The following CTNNA3 variants were observed in gnomAD, a reference collection of about 807,000 sequenced individuals.
CTNNA3 encodes catenin alpha 3, also known as catenin alpha-3.
In CTNNA3, 76 loss-of-function variants were observed where a neutral mutation model predicts 95.7. The ratio of observed to expected loss-of-function variants is 0.79; its 90% CI spans 0.66 to 0.96. CTNNA3 has a LOEUF of 0.96. CTNNA3 is among the 40% of genes least tolerant of loss of function. The probability of loss-of-function intolerance (pLI) is 0.00; values close to 1 mark genes in which losing one functional copy is unlikely to be tolerated. For missense variants in CTNNA3, 1,191 were observed against 1,089.8 expected, an observed-to-expected ratio of 1.09 and a Z score of -1.31; for synonymous variants, 431 against 374.4, an observed-to-expected ratio of 1.15 and a Z score of -1.74.
chr10:66,610,005 G>C (rs948461502), intron 10 of CTNNA3, among the ~76,000 whole-genome samples: 6 of 152,086 alleles, frequency 3.9e-5, no homozygotes, highest in Non-Finnish European at 7.4e-5. Flanking sequence ...GGAACAGAAA[G>C]CCAAATACTT....
chr10:67,661,370 G>T (rs1042375157), intron 1 of CTNNA3, among the ~76,000 whole-genome samples: 2 of 151,990 alleles, frequency 1.3e-5, no homozygotes, highest in Non-Finnish European at 2.9e-5. Flanking sequence ...GAGGCAGGGA[G>T]GGAATGTTGG....
intron 10 of CTNNA3, among the ~76,000 whole-genome samples, chr10:66,580,801 T>C (rs531521816): frequency 6.6e-6 from 1 of 151,892 alleles, no homozygotes; most frequent in East Asian, 1.9e-4. Flanking sequence ...TGGTTCTCAG[T>C]TACATGGATG....
At chr10:66,288,320 T>A (rs2132182806) in intron 12 of CTNNA3, among the ~76,000 whole-genome samples, 1 of 152,082 alleles carries the variant, frequency 6.6e-6, no homozygotes, top group African/African-American at 2.4e-5. Context: ...GTAGTTTTTG[T>A]ACATTTTTGA....
At chr10:67,752,017 C>CA (rs1425820379) in intron 1 of CTNNA3, among the ~76,000 whole-genome samples, 1 of 151,850 alleles carries the variant, frequency 6.6e-6, no homozygotes, top group Non-Finnish European at 1.5e-5. Flanking sequence ...ACAGACACAA[C>CA]AAAAAAAGAA....
intron 9 of CTNNA3, among the ~76,000 whole-genome samples, chr10:66,669,414 G>A (rs1044268364): frequency 5.3e-5 from 8 of 151,920 alleles, no homozygotes; most frequent in Admixed American, 4.6e-4. Context: ...ATGGTGGCAT[G>A]TGCCTGTAGT....
upstream of CTNNA3, among the ~76,000 whole-genome samples, chr10:67,697,673 T>C (rs190643420): frequency 3.8e-4 from 58 of 152,364 alleles, no homozygotes; most frequent in African/African-American, 1.3e-3. Context: ...AAAACCTTCT[T>C]ACAGAATTTG....
chr10:66,661,330 C>A (rs1030929287), intron 9 of CTNNA3, among the ~76,000 whole-genome samples: 3 of 152,066 alleles, frequency 2.0e-5, no homozygotes, highest in South Asian at 4.1e-4. Context: ...TGGCAAGAGA[C>A]AAACCCCTGA....
At chr10:66,044,401 C>T (rs1032695074) in intron 15 of CTNNA3, among the ~76,000 whole-genome samples, 1 of 151,850 alleles carries the variant, frequency 6.6e-6, no homozygotes. Flanking sequence ...AAACAACACC[C>T]TTTAATGTTT....
intron 1 of CTNNA3, among the ~76,000 whole-genome samples, chr10:67,712,711 TG>T (rs1841118775): frequency 6.6e-6 from 1 of 152,174 alleles, no homozygotes; most frequent in Non-Finnish European, 1.5e-5. Flanking sequence ...ATAAATGTGT[TG>T]GGAAAACTGG....
chr10:67,736,449 C>T (rs1207774506), intron 1 of CTNNA3, among the ~76,000 whole-genome samples: 2 of 138,712 alleles, frequency 1.4e-5, no homozygotes, highest in African/African-American at 5.6e-5. Context: ...TATTTTACCA[C>T]AATTTTTTTT....
At chr10:66,191,492 T>C (rs1038151016) in intron 13 of CTNNA3, among the ~76,000 whole-genome samples, 6 of 152,106 alleles carry the variant, frequency 3.9e-5, no homozygotes, top group East Asian at 3.9e-4. Context: ...ATGCAGAAAC[T>C]TTAAAATCTG....
At chr10:66,520,245 C>CTTTTTTTTTTTTTT (rs543882241) in intron 11 of CTNNA3, among the ~76,000 whole-genome samples, 3 of 78,068 alleles carry the variant, frequency 3.8e-5, no homozygotes, top group Non-Finnish European at 6.8e-5. Flanking sequence ...TAGTATTATT[C>CTTTTTTTTTTTTTT]TTTTTTTTTT....
intron 13 of CTNNA3, among the ~76,000 whole-genome samples, chr10:66,255,471 T>C (rs1429724347): frequency 6.6e-6 from 1 of 152,198 alleles, no homozygotes; most frequent in East Asian, 1.9e-4. Flanking sequence ...TTGGGCTTTA[T>C]CTGATACGTA....
chr10:66,567,180 C>A lies in CTNNA3; in HGVS notation c.1375-46407G>T, dbSNP rs80017345. 1.0e-3 allele frequency among the ~76,000 whole-genome samples: 152 copies of A among 151,698 alleles called. 1 individual carries two copies. In the East Asian group the frequency reaches 0.027, roughly 27 times the overall value. On this transcript the variant is annotated intron_variant, in intron 10 of 17. Coordinates refer to ENST00000433211, the MANE Select transcript of CTNNA3 (RefSeq NM_013266.4). ...GAACAGGGAACTCACAGGCAGTTGA[C>A]AGACACAGGCAAGGAATCATATGAT... is the stretch of plus-strand genomic sequence containing the variant.
chr10:67,277,158 T>G (rs2170136), intron 5 of CTNNA3, among the ~76,000 whole-genome samples: 24,341 of 152,104 alleles, frequency 0.16, 2,922 homozygotes, highest in African/African-American at 0.32. Flanking sequence ...ACTTTATTGT[T>G]TCAAATTATC....
Position 66,417,944 on chromosome 10 carries a change from C to T in CTNNA3, c.1532-38592G>A, listed in dbSNP as rs1015575685. On this transcript the variant is annotated intron_variant, in intron 11 of 17. Transcript: ENST00000433211. ...TACAAGTAAATAATCTAACAATCCA[C>T]CTCAACAAAGTGAAAAATCAAGAAT... Among the ~76,000 whole-genome samples, 3 of 151,682 alleles carry T rather than the reference C, an allele frequency of 2.0e-5. No homozygotes were observed. In the East Asian group the frequency reaches 5.8e-4, roughly 29 times the overall value.
chr10:66,018,957 GCTAT>G (rs79557569), intron 15 of CTNNA3, among the ~76,000 whole-genome samples: 27,121 of 151,896 alleles, frequency 0.18, 2,619 homozygotes, highest in Admixed American at 0.25. Context: ...TCCATTTTCA[GCTAT>G]CTGAAACCAG....
At position 67,451,222 on chromosome 10, in the gene CTNNA3, C is replaced by T. The variant is rs4261178; in HGVS notation, c.579+70620G>A. 0.019 allele frequency among the ~76,000 whole-genome samples: 2,916 copies of T among 152,158 alleles called. 213 individuals carry two copies. The East Asian group carries it at 0.22, about 12-fold the overall frequency. On this transcript the variant is annotated intron_variant, in intron 5 of 17. Transcript: ENST00000433211. ...TGGGATGACACTCATTAGATACAGC[C>T]GCTTGATCTTGGACTTCCCAGCCAC...
In CTNNA3 at chr10:66,621,790, A is replaced by G; in HGVS notation, c.1282-6T>C. On this transcript the variant is annotated splice_region_variant and splice_polypyrimidine_tract_variant and intron_variant, in intron 9 of 17. Transcript: ENST00000433211. ...GAACAAGCAAGATTTGCCACCTTAA[A>G]TACAATCCAAAATAATGGAAATTAT... The G allele has an allele frequency of 1.3e-6, 2 of 1,573,732 alleles. No individual in the cohort carries two copies. The highest frequency in any genetic ancestry group is 2.3e-5 in the South Asian group (2 of 87,166).
Sources: allele counts gnomAD v4.1 joint callset (sites outside exome capture counted in the v4.1 genomes callset), GRCh38; gene constraint gnomAD v4.1.1; transcripts MANE v1.5; gene names NCBI Gene and HGNC (gene_info 2026-07-23, HGNC 2026-07-21).